Variants in FLT1 observed in about 807,000 individuals in gnomAD.
The protein encoded by FLT1 is fms related receptor tyrosine kinase 1.
FLT1 carries 49 observed loss-of-function variants against 156.3 expected under a neutral mutation model. That is an observed-to-expected ratio of 0.31 (90% confidence interval 0.25 to 0.40). The LOEUF (loss-of-function observed/expected upper bound fraction) is 0.40, where lower values mean the gene tolerates loss of function less well. Among genes scored for constraint, FLT1 ranks in the 10% least tolerant of loss-of-function variants. The pLI is 1.00. For synonymous variants in FLT1, 594 were observed against 583.8 expected, an observed-to-expected ratio of 1.02 and a Z score of -0.25; for missense variants, 1,322 against 1,637.2, an observed-to-expected ratio of 0.81 and a Z score of 3.32.
intron 17 of FLT1, among the ~76,000 whole-genome samples, chr13:28,334,702 G>T (rs931572254): frequency 6.6e-6 from 1 of 152,178 alleles, no homozygotes; most frequent in Non-Finnish European, 1.5e-5. Flanking sequence ...AAATCCTCGT[G>T]GTTCAGCACA....
At chr13:28,488,570 C>T (rs1342346840) in intron 1 of FLT1, among the ~76,000 whole-genome samples, 1 of 152,108 alleles carries the variant, frequency 6.6e-6, no homozygotes, top group East Asian at 1.9e-4. Context: ...TGCTGGACCT[C>T]GGAGCACACA....
chr13:28,334,300 C>A (rs1292524834), intron 17 of FLT1, among the ~76,000 whole-genome samples, 171 bp from the exon 18 acceptor site: 1 of 152,162 alleles, frequency 6.6e-6, no homozygotes, highest in African/African-American at 2.4e-5. Flanking sequence ...CTCTTCCTTT[C>A]AACTCTTAAC....
At chr13:28,412,381 T>C (rs9513103) in intron 10 of FLT1, among the ~76,000 whole-genome samples, 10,061 of 87,260 alleles carry the variant, frequency 0.12, 888 homozygotes, top group East Asian at 0.3. Context: ...TCTTTCTTTC[T>C]TTCTTTCTTT....
At chr13:28,377,416 T>C (rs1044878039) in intron 14 of FLT1, among the ~76,000 whole-genome samples, 2 of 144,738 alleles carry the variant, frequency 1.4e-5, no homozygotes, top group Non-Finnish European at 3.1e-5. Context: ...TTTGATACCA[T>C]GATTGAGCCA....
chr13:28,437,018 C>A (rs1263548158), intron 4 of FLT1, among the ~76,000 whole-genome samples: 1 of 152,152 alleles, frequency 6.6e-6, no homozygotes, highest in Admixed American at 6.5e-5. Context: ...ATGAACTAGA[C>A]CATTCAAGAA....
chr13:28,379,624 T>A (rs1398516920), intron 14 of FLT1, among the ~76,000 whole-genome samples: 1 of 152,176 alleles, frequency 6.6e-6, no homozygotes, highest in Admixed American at 6.5e-5. Context: ...GGCAGTGTGG[T>A]GTGCAAGGCC....
rs1330589434 is a variant in FLT1, at chr13:28,319,405, TC to T, written c.3286+17del. 2 of 1,510,148 alleles carry T rather than the reference TC, an allele frequency of 1.3e-6. No individual in the cohort carries two copies. Among genetic ancestry groups the T allele is most frequent in the Non-Finnish European group, 1.8e-6 (2 of 1,086,464 alleles). 93.5% of individuals were successfully genotyped at this position (1,510,148 alleles called of 1,614,324 possible). On this transcript the variant is annotated intron_variant, in intron 24 of 29. Transcript: ENST00000282397. ...TTTATTTCTGGGCTGTTTGATTTCT[TC>T]CTTCTCCCAAATTTACCTAAGGAGA...
intron 13 of FLT1, chr13:28,388,835 A>C: frequency 9.4e-7 from 1 of 1,062,068 alleles, no homozygotes; most frequent in South Asian, 4.6e-5. Context: ...AACATGATGA[A>C]GTTCCTTAAA....
At chr13:28,444,637 A>G (rs939286383) in intron 3 of FLT1, among the ~76,000 whole-genome samples, 3 of 152,230 alleles carry the variant, frequency 2.0e-5, no homozygotes, top group African/African-American at 7.2e-5. Context: ...ACAAACCTCA[A>G]TAAATTTAAA....
intron 11 of FLT1, chr13:28,398,948 CT>C: frequency 1.2e-6 from 1 of 860,088 alleles, no homozygotes; most frequent in Non-Finnish European, 1.9e-6. Flanking sequence ...TCAGGTGTCC[CT>C]TTTCTTATTT....
chr13:28,311,506 C>G lies in FLT1; in HGVS notation c.3635+84G>C, dbSNP rs970818824. ...TCTTTCTCTCTTTCTTTCTCTCTTTCGTCTTTCTTTCTCTTTCGTCTTTCT... is the reference window on the plus strand; with the variant it reads ...TCTTTCTCTCTTTCTTTCTCTCTTTGGTCTTTCTTTCTCTTTCGTCTTTCT... On this transcript the variant is annotated intron_variant, in intron 27 of 29. Transcript: ENST00000282397. 5.1e-6 allele frequency: 6 copies of G among 1,175,668 alleles called. No homozygotes were observed. The African/African-American group carries it at 7.8e-5, about 15-fold the overall frequency. 72.8% of individuals were successfully genotyped at this position (1,175,668 alleles called of 1,614,324 possible).
chr13:28,368,534 G>GGTAGCTAT, intron 14 of FLT1: 1 of 1,546,174 alleles, frequency 6.5e-7, no homozygotes, highest in South Asian at 1.2e-5. Context: ...TTCAATAAAT[G>GGTAGCTAT]GTAGCTATGA....
At chr13:28,455,613 G>T (rs77283462) in intron 3 of FLT1, among the ~76,000 whole-genome samples, 11,154 of 152,222 alleles carry the variant, frequency 0.073, 476 homozygotes, top group South Asian at 0.11. Context: ...CTAAAGGCAT[G>T]ATCTACAAAA....
chr13:28,433,808 G>C lies in FLT1; in HGVS notation c.813+11C>G, dbSNP rs1484995654. On this transcript the variant is annotated intron_variant, in intron 6 of 29. Transcript: ENST00000282397. ...TGTCCTGCAGAAGAAATAGAAAAATGGGTCACTCACTTCATCAGGGTAACT... is the reference window on the plus strand; with the variant it reads ...TGTCCTGCAGAAGAAATAGAAAAATCGGTCACTCACTTCATCAGGGTAACT... 3.1e-6 allele frequency: 5 copies of C among 1,612,744 alleles called. No individual in the cohort carries two copies. The highest frequency in any genetic ancestry group is 4.2e-6 in the Non-Finnish European group (5 of 1,178,818).
At chr13:28,314,621 C>T (rs561095693) in intron 25 of FLT1, among the ~76,000 whole-genome samples, 36 of 152,274 alleles carry the variant, frequency 2.4e-4, no homozygotes, top group Non-Finnish European at 3.2e-4. Flanking sequence ...AAATACACAC[C>T]GCTTTAGGCC....
At chr13:28,350,609 G>C (rs1872708566) in intron 15 of FLT1, among the ~76,000 whole-genome samples, 1 of 152,094 alleles carries the variant, frequency 6.6e-6, no homozygotes, top group Admixed American at 6.5e-5. Flanking sequence ...GTAGGCAGCA[G>C]AGCCAGCCAA....
chr13:28,368,451 C>A (rs577300962), intron 14 of FLT1: 14 of 1,468,478 alleles, frequency 9.5e-6, no homozygotes, highest in African/African-American at 8.4e-5. Context: ...CATGCCCGGC[C>A]ATTTGTTATT....
chr13:28,369,785 C>T (rs1166692960), intron 14 of FLT1, among the ~76,000 whole-genome samples: 2 of 152,114 alleles, frequency 1.3e-5, no homozygotes, highest in African/African-American at 2.4e-5. Flanking sequence ...CAAAACATAG[C>T]GTCTAAAGGA....
chr13:28,302,071 CG>C lies in FLT1; in HGVS notation c.*1095del, dbSNP rs1355538854. The C allele has an allele frequency of 4.3e-6, 1 of 233,414 alleles. No individual in the cohort carries two copies. Among genetic ancestry groups the C allele is most frequent in the Non-Finnish European group, 8.5e-6 (1 of 118,044 alleles). The allele number at this position is 233,414 out of a possible 1,614,324, so 14.5% of individuals were successfully genotyped here. On this transcript the variant is annotated 3_prime_UTR_variant, in exon 30 of 30. Coordinates refer to ENST00000282397, the MANE Select transcript of FLT1 (RefSeq NM_002019.4). ...TGAATTGGTTTGGTTGGTATAGAGA[CG>C]GGGTTTTCCCTTGACCTTATTGACC...
Sources: allele counts gnomAD v4.1 joint callset (sites outside exome capture counted in the v4.1 genomes callset), GRCh38; gene constraint gnomAD v4.1.1; transcripts MANE v1.5; gene names NCBI Gene and HGNC (gene_info 2026-07-23, HGNC 2026-07-21).